Variants in ZDHHC19 observed in about 807,000 individuals in gnomAD.
ZDHHC19 encodes the protein palmitoyltransferase ZDHHC19.
In ZDHHC19, 30 loss-of-function variants were observed where a neutral mutation model predicts 33.9. That is an observed-to-expected ratio of 0.88 (90% confidence interval 0.66 to 1.20). The LOEUF is 1.20. Among genes scored for constraint, ZDHHC19 ranks in the 50% most tolerant of loss-of-function variants. The pLI, the probability that ZDHHC19 is intolerant of heterozygous loss-of-function variation, is 0.00. For synonymous variants in ZDHHC19, 178 were observed against 167.6 expected (o/e 1.06, Z -0.48); for missense variants, 364 against 401.1 (o/e 0.91, Z 0.79).
intron 3 of ZDHHC19, 84 bp from the exon 4 acceptor site, chr3:196,208,644 T>A: frequency 6.7e-7 from 1 of 1,497,280 alleles, no homozygotes; most frequent in Non-Finnish European, 9.0e-7. Context: ...GCCCTCCCCC[T>A]GCCTTCTAGG....
Position 196,209,499 on chromosome 3 carries a change from G to A in ZDHHC19, c.285C>T (p.Gly95=). The change falls in exon 3 of 8, where the codon GGC becomes GGT. Residue 95 remains glycine, a synonymous_variant. Transcript: ENST00000296326. ...CCCACACCACGTGCACCGTCAAGGG[G>A]CCCTGCTCAGCGGAGCCTGGCGTGG... ...GILHQGSAEQ[G]PLTVHVVWVN... is the part of the protein sequence containing the mutation. The A allele has an allele frequency of 6.2e-7, 1 of 1,612,922 alleles. No homozygotes were observed. The highest frequency in any genetic ancestry group is 8.5e-7 in the Non-Finnish European group (1 of 1,179,768).
chr3:196,204,234 C>G (rs1722567749), intron 5 of ZDHHC19, among the ~76,000 whole-genome samples: 1 of 152,074 alleles, frequency 6.6e-6, no homozygotes, highest in Non-Finnish European at 1.5e-5. Context: ...CATTGTATTT[C>G]CTTATAATAA....
rs1424110817 is a variant in ZDHHC19, at chr3:196,207,386, G to T, written c.687+12C>A. 6.4e-7 allele frequency: 1 copy of T among 1,550,506 alleles called. No homozygotes were observed. Among genetic ancestry groups the T allele is most frequent in the Admixed American group, 2.0e-5 (1 of 51,194 alleles). ...CCCGAGGTGCAAGCTGACCACCCGC[G>T]GCCCCGCGTACCTTGCCCTTGTAGG... On this transcript the variant is annotated intron_variant, in intron 5 of 7. Transcript: ENST00000296326.
intron 7 of ZDHHC19, 38 bp downstream of exon 7, chr3:196,198,238 G>A (rs1391238050): frequency 5.4e-5 from 77 of 1,436,272 alleles, no homozygotes; most frequent in South Asian, 1.4e-4. Context: ...CCCCCCTCCC[G>A]ACACGCACAG....
At chr3:196,202,087 G>A (rs1230308568) in intron 5 of ZDHHC19, among the ~76,000 whole-genome samples, 1 of 152,224 alleles carries the variant, frequency 6.6e-6, no homozygotes, top group African/African-American at 2.4e-5. Flanking sequence ...GGGAGGCCAA[G>A]ATGGGTGGAG....
intron 5 of ZDHHC19, among the ~76,000 whole-genome samples, chr3:196,204,623 C>T (rs1230712862): frequency 6.6e-6 from 1 of 152,198 alleles, no homozygotes; most frequent in Admixed American, 6.6e-5. Context: ...AACCATTAGT[C>T]ATTAGGAAAA....
At chr3:196,210,285 A>AGAAAGAAGAAAG in intron 2 of ZDHHC19, among the ~76,000 whole-genome samples, 1 of 139,678 alleles carries the variant, frequency 7.2e-6, no homozygotes, top group East Asian at 2.2e-4. Flanking sequence ...AAAGAAAGAA[A>AGAAAGAAGAAAG]GAAGGAAGGA....
At chr3:196,198,899 A>C (rs771005226) in intron 5 of ZDHHC19, 25 bp from the exon 6 acceptor site, 16 of 1,610,290 alleles carry the variant, frequency 9.9e-6, no homozygotes, top group Non-Finnish European at 9.3e-6. Context: ...AAACCGGAAG[A>C]GGAGCTCAGA....
At chr3:196,209,945 A>C (rs4916509) in intron 2 of ZDHHC19, among the ~76,000 whole-genome samples, 109 of 152,090 alleles carry the variant, frequency 7.2e-4, no homozygotes, top group African/African-American at 2.4e-3. Flanking sequence ...TAATCCCAGC[A>C]CTTTGGGAGG....
chr3:196,201,800 C>A (rs2108722321), intron 5 of ZDHHC19, among the ~76,000 whole-genome samples: 1 of 152,286 alleles, frequency 6.6e-6, no homozygotes, highest in South Asian at 2.1e-4. Context: ...ACCTGGGGCT[C>A]CTGCTCCGAT....
intron 5 of ZDHHC19, among the ~76,000 whole-genome samples, chr3:196,206,374 G>A (rs955407523): frequency 1.3e-5 from 2 of 150,076 alleles, no homozygotes; most frequent in Non-Finnish European, 3.0e-5. Flanking sequence ...TTTAAGACAG[G>A]GTCTTGCTCT....
Position 196,208,452 on chromosome 3 carries a change from C to G in ZDHHC19, c.517G>C (p.Val173Leu). 1.2e-6 allele frequency: 2 copies of G among 1,614,164 alleles called. No individual in the cohort carries two copies. Among genetic ancestry groups the G allele is most frequent in the South Asian group, 2.2e-5 (2 of 91,084 alleles). ...SLCLYSGAML[V>L]TCLIFLVRTT... ...CGCACCAGGAAGATGAGACAGGTGA[C>G]CAGCATGGCGCCCGAGTAGAGGCAC... is the stretch of plus-strand genomic sequence containing the variant. Residue 173 changes from valine (V) to leucine (L), a missense_variant, in exon 4 of 8, where the codon GTC (valine) becomes CTC (leucine). By Grantham distance (32) the Val-to-Leu change is conservative. Transcript: ENST00000296326.
intron 2 of ZDHHC19, among the ~76,000 whole-genome samples, chr3:196,210,015 C>T (rs1723087784): frequency 6.6e-6 from 1 of 151,954 alleles, no homozygotes; most frequent in South Asian, 2.1e-4. Context: ...TATGGTGAAA[C>T]CCCATCTCTA....
intron 5 of ZDHHC19, among the ~76,000 whole-genome samples, chr3:196,206,002 A>T (rs1722701260): frequency 6.6e-6 from 1 of 151,748 alleles, no homozygotes; most frequent in Admixed American, 6.6e-5. Context: ...CCTGGCTCTC[A>T]TACCATGATT....
chr3:196,200,849 T>C (rs543363032), intron 5 of ZDHHC19, among the ~76,000 whole-genome samples: 1 of 151,402 alleles, frequency 6.6e-6, no homozygotes. Flanking sequence ...GGGGTCTGGC[T>C]ATGTTGCCCA....
chr3:196,210,363 G>GAAA (rs1560142876), intron 2 of ZDHHC19, among the ~76,000 whole-genome samples: 7 of 48,642 alleles, frequency 1.4e-4, no homozygotes, highest in African/African-American at 4.2e-4. Flanking sequence ...AAAGAAAGAA[G>GAAA]GAAGGAAGGA....
rs531901034 is a variant in ZDHHC19 at position 196,209,423 on chromosome 3, G to A, written c.361C>T (p.Arg121Cys). The change falls in exon 3 of 8, where the codon CGC becomes TGC. Residue 121 changes from arginine (R) to cysteine (C), a missense_variant. Physicochemically the swap from Arg to Cys is radical, Grantham distance 180 (BLOSUM62 -3). Coordinates refer to ENST00000296326, the MANE Select transcript of ZDHHC19 (RefSeq NM_001039617.2). ...GGGCAGTGGTAAGTCCGGGGCGGGC[G>A]GTGGAAGCAGCACTTTGGACACCAT... ...LQWCPKCCFH[R>C]PPRTYHCPWC... The A allele has an allele frequency of 4.7e-5, 76 of 1,608,958 alleles. No homozygotes were observed. In the South Asian group the frequency reaches 4.9e-4, roughly 10 times the overall value.
At chr3:196,210,547 T>C (rs1723208857) in intron 2 of ZDHHC19, 69 bp downstream of exon 2, 4 of 1,605,676 alleles carry the variant, frequency 2.5e-6, no homozygotes, top group African/African-American at 1.3e-5. Context: ...AAGAGCACTT[T>C]AGGAATCCCC....
chr3:196,209,579 T>A, intron 2 of ZDHHC19, 64 bp from the exon 3 acceptor site: 1 of 1,558,970 alleles, frequency 6.4e-7, no homozygotes, highest in South Asian at 1.2e-5. Flanking sequence ...CGGGGGCAGC[T>A]CCACGGCATC....
Sources: allele counts gnomAD v4.1 joint callset (sites outside exome capture counted in the v4.1 genomes callset), GRCh38; gene constraint gnomAD v4.1.1; transcripts MANE v1.5; gene names NCBI Gene and HGNC (gene_info 2026-07-23, HGNC 2026-07-21).